The following GRID1 variants were observed in gnomAD, a reference collection of about 807,000 sequenced individuals.
GRID1 encodes the protein glutamate receptor ionotropic, delta-1.
A neutral mutation model predicts 98.0 loss-of-function variants in GRID1; 28 were observed. The observed-to-expected ratio is 0.29, with a 90% CI of 0.21 to 0.39. The LOEUF (loss-of-function observed/expected upper bound fraction) is 0.39, where lower values mean the gene tolerates loss of function less well. Among genes scored for constraint, GRID1 ranks in the 10% least tolerant of loss-of-function variants. The pLI is 1.00. For synonymous variants in GRID1, 553 were observed against 538.5 expected (o/e 1.03, Z -0.37); for missense variants, 1,111 against 1,340.5 (o/e 0.83, Z 2.67).
chr10:86,159,659 G>C (rs955938111), intron 3 of GRID1, among the ~76,000 whole-genome samples: 1 of 152,218 alleles, frequency 6.6e-6, no homozygotes, highest in Non-Finnish European at 1.5e-5. Flanking sequence ...CTGTGCCACA[G>C]GACACAGCTT....
intron 4 of GRID1, among the ~76,000 whole-genome samples, chr10:85,954,668 T>C (rs1416850526): frequency 6.6e-6 from 1 of 152,188 alleles, no homozygotes; most frequent in Admixed American, 6.5e-5. Context: ...AAGCATAAAA[T>C]AGCAAAATCA....
chr10:86,018,506 G>C (rs1843007389), intron 4 of GRID1, among the ~76,000 whole-genome samples: 1 of 152,224 alleles, frequency 6.6e-6, no homozygotes, highest in Non-Finnish European at 1.5e-5. Context: ...ATGACAACCT[G>C]TCTCTCACTC....
intron 6 of GRID1, among the ~76,000 whole-genome samples, chr10:85,860,299 C>T (rs760500666): frequency 6.6e-6 from 1 of 152,188 alleles, no homozygotes; most frequent in Non-Finnish European, 1.5e-5. Flanking sequence ...CCTAGGAACA[C>T]TGCAGCATAA....
intron 3 of GRID1, among the ~76,000 whole-genome samples, chr10:86,161,742 G>A (rs972357705): frequency 4.6e-5 from 7 of 152,164 alleles, no homozygotes; most frequent in Admixed American, 4.6e-4. Flanking sequence ...CTTGCTGGCT[G>A]ACTTGCCTGA....
At chr10:86,034,906 A>G (rs879392820) in intron 4 of GRID1, among the ~76,000 whole-genome samples, 7 of 40,156 alleles carry the variant, frequency 1.7e-4, no homozygotes, top group Admixed American at 1.5e-3. Flanking sequence ...GGATTGGTGG[A>G]TGGATGGATG....
chr10:85,774,117 C>T (rs1842303313), intron 8 of GRID1, among the ~76,000 whole-genome samples: 1 of 152,236 alleles, frequency 6.6e-6, no homozygotes, highest in Non-Finnish European at 1.5e-5. Context: ...GTACTGGTAC[C>T]AAAACAGAGA....
At chr10:86,039,261 G>C (rs993676582) in intron 4 of GRID1, among the ~76,000 whole-genome samples, 1 of 152,102 alleles carries the variant, frequency 6.6e-6, no homozygotes, top group African/African-American at 2.4e-5. Context: ...AAGTTCTGGA[G>C]TTCATGACAC....
intron 4 of GRID1, among the ~76,000 whole-genome samples, chr10:86,096,676 A>G (rs1425043324): frequency 6.6e-6 from 1 of 152,240 alleles, no homozygotes; most frequent in Middle Eastern, 3.2e-3. Flanking sequence ...TGCTAATGGA[A>G]TTCACTGGTC....
At chr10:86,105,630 C>T (rs190400548) in intron 4 of GRID1, among the ~76,000 whole-genome samples, 2 of 152,314 alleles carry the variant, frequency 1.3e-5, no homozygotes, top group East Asian at 3.9e-4. Flanking sequence ...GCCTTCATTC[C>T]CCATTCAGCA....
chr10:85,877,511 G>T (rs952395912), intron 5 of GRID1, among the ~76,000 whole-genome samples: 2 of 152,202 alleles, frequency 1.3e-5, no homozygotes, highest in Non-Finnish European at 2.9e-5. Flanking sequence ...GGCAAACAGG[G>T]TCTGGAGTGG....
chr10:86,306,361 G>C (rs949515586), intron 2 of GRID1, among the ~76,000 whole-genome samples: 1 of 152,202 alleles, frequency 6.6e-6, no homozygotes, highest in Non-Finnish European at 1.5e-5. Context: ...AGTGGAGAAA[G>C]CTCTTTGTTC....
intron 13 of GRID1, among the ~76,000 whole-genome samples, chr10:85,622,715 G>A (rs964195614): frequency 6.6e-6 from 1 of 152,196 alleles, no homozygotes; most frequent in East Asian, 1.9e-4. Context: ...GTCTCAGATC[G>A]AGGGGCTCAC....
At chr10:85,603,258 C>G (rs1047813872) in intron 15 of GRID1, among the ~76,000 whole-genome samples, 3 of 152,224 alleles carry the variant, frequency 2.0e-5, no homozygotes, top group Non-Finnish European at 4.4e-5. Context: ...GAAGCCCTGC[C>G]TCACCCAGTG....
intron 4 of GRID1, among the ~76,000 whole-genome samples, chr10:86,065,134 A>G (rs1228817556): frequency 6.6e-6 from 1 of 152,126 alleles, no homozygotes; most frequent in East Asian, 1.9e-4. Context: ...CTCCATAGAC[A>G]TCTATCTGAG....
chr10:86,272,563 G>A (rs1175189967), intron 2 of GRID1, among the ~76,000 whole-genome samples: 1 of 152,108 alleles, frequency 6.6e-6, no homozygotes, highest in Non-Finnish European at 1.5e-5. Context: ...CTGTCTGAGG[G>A]ATACCTGAAG....
chr10:85,733,332 T>TCTTG (rs1459064726), intron 8 of GRID1, among the ~76,000 whole-genome samples: 1 of 152,214 alleles, frequency 6.6e-6, no homozygotes, highest in Non-Finnish European at 1.5e-5. Flanking sequence ...GGGCTAGACC[T>TCTTG]GGCCTTGCTC....
At chr10:86,021,799 G>A (rs889593090) in intron 4 of GRID1, among the ~76,000 whole-genome samples, 10 of 152,096 alleles carry the variant, frequency 6.6e-5, no homozygotes, top group Non-Finnish European at 2.9e-5. Context: ...TGGAGCCATC[G>A]GCTTCTCAGA....
chr10:85,792,366 G>C (rs996626837), intron 8 of GRID1, among the ~76,000 whole-genome samples: 1 of 152,180 alleles, frequency 6.6e-6, no homozygotes, highest in African/African-American at 2.4e-5. Context: ...AATAAATCCT[G>C]TATTCATATT....
At chr10:86,363,035 GGTAA>G (rs1848621601) in intron 2 of GRID1, among the ~76,000 whole-genome samples, 2 of 152,288 alleles carry the variant, frequency 1.3e-5, no homozygotes, top group Non-Finnish European at 2.9e-5. Context: ...ACTTAAGCCG[GGTAA>G]GTGTCAGAGG....
Sources: gnomAD v4.1 joint callset for allele counts (sites outside exome capture counted in the v4.1 genomes callset) on GRCh38, gnomAD v4.1.1 for gene constraint, MANE v1.5 for transcripts, NCBI Gene and HGNC (gene_info 2026-07-23, HGNC 2026-07-21) for gene names.